Variants in GPR39 observed in about 807,000 individuals in gnomAD.
The protein encoded by GPR39 is zinc sensing receptor.
GPR39 carries 23 observed loss-of-function variants against 18.4 expected under a neutral mutation model. That is an observed-to-expected ratio of 1.25 (90% CI 0.90 to 1.77). The LOEUF (loss-of-function observed/expected upper bound fraction) is 1.77. Ranked by LOEUF, GPR39 falls within the 40% of genes most tolerant of loss-of-function variation. The pLI is 0.00. For synonymous variants in GPR39, 280 were observed against 257.9 expected (o/e 1.09, Z -0.82); for missense variants, 647 against 602.4 (o/e 1.07, Z -0.78).
intron 1 of GPR39, among the ~76,000 whole-genome samples, chr2:132,499,571 A>G (rs115252588): frequency 1.5e-3 from 230 of 151,994 alleles, no homozygotes; most frequent in Non-Finnish European, 2.4e-3. Flanking sequence ...TTGATTCCAT[A>G]TGAATTTTAG....
intron 1 of GPR39, among the ~76,000 whole-genome samples, chr2:132,586,611 C>T (rs991198989): frequency 1.3e-5 from 2 of 152,226 alleles, no homozygotes; most frequent in Admixed American, 6.5e-5. Context: ...GATGTATCCA[C>T]AGCAGAGCTG....
At chr2:132,429,965 G>C (rs1680194954) in intron 1 of GPR39, among the ~76,000 whole-genome samples, 1 of 152,220 alleles carries the variant, frequency 6.6e-6, no homozygotes. Context: ...GGAGGAAGTT[G>C]ATAGCTAGGC....
intron 1 of GPR39, among the ~76,000 whole-genome samples, chr2:132,575,834 G>A (rs1680520485): frequency 2.0e-5 from 3 of 152,310 alleles, no homozygotes; most frequent in Non-Finnish European, 2.9e-5. Context: ...CCCCCAAGGT[G>A]ATGGCATAAG....
chr2:132,458,608 T>A (rs1389364579), intron 1 of GPR39, among the ~76,000 whole-genome samples: 1 of 152,130 alleles, frequency 6.6e-6, no homozygotes, highest in East Asian at 1.9e-4. Flanking sequence ...CCATTACTTT[T>A]CATATTTCTT....
chr2:132,550,008 C>A (rs1175866287), intron 1 of GPR39, among the ~76,000 whole-genome samples: 6 of 134,130 alleles, frequency 4.5e-5, no homozygotes, highest in Admixed American at 2.3e-4. Flanking sequence ...TGGTGGGAGA[C>A]CAAAGGGAGA....
chr2:132,478,200 C>T (rs1681164268), intron 1 of GPR39, among the ~76,000 whole-genome samples: 1 of 152,184 alleles, frequency 6.6e-6, no homozygotes, highest in Non-Finnish European at 1.5e-5. Flanking sequence ...AAGTCTGAAA[C>T]ATTTTCTAGA....
intron 1 of GPR39, among the ~76,000 whole-genome samples, chr2:132,620,405 G>A (rs1243620030): frequency 6.6e-6 from 1 of 152,078 alleles, no homozygotes; most frequent in African/African-American, 2.4e-5. Flanking sequence ...TCTGAGGAGG[G>A]GGACTTCAGC....
chr2:132,507,099 C>T lies in GPR39; in HGVS notation c.856+89201C>T, dbSNP rs1397398206. Among the ~76,000 whole-genome samples the T allele has an allele frequency of 2.6e-5, 4 of 152,120 alleles. No homozygotes were observed. In the East Asian group the frequency reaches 7.7e-4, roughly 29 times the overall value. ...GGGCAGAGCCGTTATGATCCAATCA[C>T]CTCTTAAGGCCCCACCTCTCAATAC... On this transcript the variant is annotated intron_variant, in intron 1 of 1. Coordinates refer to ENST00000329321, the MANE Select transcript of GPR39 (RefSeq NM_001508.3).
intron 1 of GPR39, among the ~76,000 whole-genome samples, chr2:132,513,653 C>T (rs1271458783): frequency 6.6e-6 from 1 of 152,194 alleles, no homozygotes; most frequent in African/African-American, 2.4e-5. Flanking sequence ...GAAACTAAGT[C>T]TTGTCAATTA....
At chr2:132,628,034 C>T (rs1681583154) in intron 1 of GPR39, among the ~76,000 whole-genome samples, 1 of 152,180 alleles carries the variant, frequency 6.6e-6, no homozygotes, top group Non-Finnish European at 1.5e-5. Flanking sequence ...TTGTGGTTCT[C>T]TACTCCTATC....
intron 1 of GPR39, among the ~76,000 whole-genome samples, chr2:132,419,968 A>T (rs1272836729): frequency 1.3e-5 from 2 of 152,224 alleles, no homozygotes; most frequent in African/African-American, 4.8e-5. Flanking sequence ...TCCAAGTTAA[A>T]GCCAGTCTCC....
intron 1 of GPR39, among the ~76,000 whole-genome samples, chr2:132,625,761 C>T (rs1041784150): frequency 3.9e-5 from 6 of 152,174 alleles, no homozygotes; most frequent in Non-Finnish European, 5.9e-5. Flanking sequence ...GCCTTAGCTT[C>T]ATTAACCTTC....
intron 1 of GPR39, among the ~76,000 whole-genome samples, chr2:132,524,320 G>C (rs1291215687): frequency 6.6e-6 from 1 of 152,148 alleles, no homozygotes; most frequent in Non-Finnish European, 1.5e-5. Context: ...GTTAAGCATG[G>C]GTCACCCACC....
chr2:132,447,002 A>G (rs577623664), intron 1 of GPR39, among the ~76,000 whole-genome samples: 2 of 152,334 alleles, frequency 1.3e-5, no homozygotes, highest in African/African-American at 2.4e-5. Context: ...TTGGGCAGAC[A>G]AGGTGAATGC....
intron 1 of GPR39, among the ~76,000 whole-genome samples, chr2:132,615,516 G>A (rs576888754): frequency 2.0e-5 from 3 of 152,274 alleles, no homozygotes; most frequent in Admixed American, 2.0e-4. Context: ...GAGCAGGCCT[G>A]GGTTGTGTTA....
At chr2:132,423,971 C>T (rs1680066792) in intron 1 of GPR39, among the ~76,000 whole-genome samples, 1 of 152,166 alleles carries the variant, frequency 6.6e-6, no homozygotes, top group African/African-American at 2.4e-5. Flanking sequence ...AGAGGTTTAT[C>T]ATTCCTCAAA....
chr2:132,583,382 CAAAA>C (rs10707930), intron 1 of GPR39, among the ~76,000 whole-genome samples: 1 of 143,344 alleles, frequency 7.0e-6, no homozygotes, highest in Non-Finnish European at 1.5e-5. Context: ...ACATATCCCT[CAAAA>C]AAAAAAAAAA....
intron 1 of GPR39, among the ~76,000 whole-genome samples, chr2:132,521,898 C>T (rs1679432849): frequency 6.6e-6 from 1 of 152,172 alleles, no homozygotes; most frequent in Non-Finnish European, 1.5e-5. Context: ...AAGTGTTCTT[C>T]TTCCCCCAAC....
chr2:132,458,910 A>G (rs780985272), intron 1 of GPR39, among the ~76,000 whole-genome samples: 3 of 152,196 alleles, frequency 2.0e-5, no homozygotes, highest in Admixed American at 6.5e-5. Context: ...TTTTCTGCAT[A>G]TATGACATAT....
Sources: allele counts gnomAD v4.1 joint callset (sites outside exome capture counted in the v4.1 genomes callset), GRCh38; gene constraint gnomAD v4.1.1; transcripts MANE v1.5; gene names NCBI Gene and HGNC (gene_info 2026-07-23, HGNC 2026-07-21).